Variants in CD22 observed in about 807,000 individuals in gnomAD.
CD22 encodes the protein B-cell receptor CD22.
In CD22, 51 loss-of-function variants were observed where a neutral mutation model predicts 94.7. The observed-to-expected ratio is 0.54, with a 90% CI of 0.43 to 0.68. CD22 has a LOEUF of 0.68. Among genes scored for constraint, CD22 ranks in the 30% least tolerant of loss-of-function variants. The pLI is 0.00. For synonymous variants in CD22, 424 were observed against 422.5 expected (o/e 1.00, Z -0.04); for missense variants, 931 against 1,060.4 (o/e 0.88, Z 1.69).
chr19:35,344,447 T>G (rs1250712066), intron 9 of CD22, among the ~76,000 whole-genome samples: 1 of 152,196 alleles, frequency 6.6e-6, no homozygotes, highest in Non-Finnish European at 1.5e-5. Context: ...CAGCCTCTTG[T>G]TTTGGGCACG....
intron 1 of CD22, chr19:35,329,742 G>C (rs2066619939): frequency 6.4e-6 from 1 of 156,764 alleles, no homozygotes; most frequent in Non-Finnish European, 1.4e-5. Flanking sequence ...GTTGTGGCTG[G>C]AGGGTGCTGG....
At position 35,345,627 on chromosome 19, in the gene CD22, G is replaced by A. The variant is rs10406069; in HGVS notation, c.2234G>A (p.Gly745Asp). Residue 745 changes from glycine (G) to aspartate (D), a missense_variant, in exon 12 of 14, where the codon GGC (glycine) becomes GAC (aspartate). Physicochemically the swap from Gly to Asp is moderately conservative, Grantham distance 94 (BLOSUM62 -1). Transcript: ENST00000085219. ...KKVRRAPLSE[G>D]PHSLGCYNPM... ...GTTAGAAGGGCCCCCCTCTCTGAAG[G>A]CCCCCACTCCCTGGGATGCTACAAT... 295,208 of 1,609,258 alleles carry A rather than the reference G, an allele frequency of 0.18. 29,083 individuals carry two copies. Among genetic ancestry groups the A allele is most frequent in the East Asian group, 0.21 (9,213 of 44,798 alleles).
At chr19:35,335,155 G>C (rs376082055) in intron 3 of CD22, among the ~76,000 whole-genome samples, 1 of 151,698 alleles carries the variant, frequency 6.6e-6, no homozygotes, top group Admixed American at 6.6e-5. Flanking sequence ...GCAGACATCC[G>C]GCAATGAGCA....
intron 6 of CD22, among the ~76,000 whole-genome samples, chr19:35,339,009 A>T (rs1017978394): frequency 1.3e-5 from 2 of 151,102 alleles, no homozygotes; most frequent in Non-Finnish European, 2.9e-5. Flanking sequence ...CTGAGGCAGG[A>T]GGGTCTCTTG....
intron 13 of CD22, 134 bp downstream of exon 13, chr19:35,346,369 G>A (rs922543444): frequency 3.7e-6 from 4 of 1,075,260 alleles, no homozygotes; most frequent in East Asian, 2.5e-5. Flanking sequence ...TGTTGGAGAC[G>A]GTTGCTCCGG....
rs1012239591 is a variant in CD22, at chr19:35,336,182, G to T, written c.559G>T (p.Ala187Ser). Residue 187 changes from alanine to serine, a missense_variant, in exon 4 of 14, where the codon GCT (alanine) becomes TCT (serine). Transcript: ENST00000085219. ...LLEGVPMRQAAVTSTSLTIKS... is the reference protein window; with the variant it reads ...LLEGVPMRQASVTSTSLTIKS... ...AGAGGGGGTTCCAATGAGGCAGGCT[G>T]CTGTCACCTCGACCTCCTTGACCAT... 1 of 1,614,202 alleles carries T rather than the reference G, an allele frequency of 6.2e-7. No homozygotes were observed. Among genetic ancestry groups the T allele is most frequent in the African/African-American group, 1.3e-5 (1 of 75,060 alleles).
At chr19:35,340,843 C>T in intron 6 of CD22, 38 bp from the exon 7 acceptor site, 1 of 1,612,692 alleles carries the variant, frequency 6.2e-7, no homozygotes, top group Non-Finnish European at 8.5e-7. Flanking sequence ...CTGTGGACAG[C>T]TGGCTTTTCT....
chr19:35,341,122 C>T lies in CD22; in HGVS notation c.1491C>T (p.Val497=), dbSNP rs1315247320. 7.4e-6 allele frequency: 12 copies of T among 1,614,050 alleles called. No homozygotes were observed. The highest frequency in any genetic ancestry group is 2.2e-5 in the East Asian group (1 of 44,894). The stretch of plus-strand genomic sequence containing the variant: ...GTTGGTGCTCGTGGGCCTCCCCTGT[C>T]GCCCTGAATGTCCAGTGTGAGTCCC... ...CNSWCSWASP[V]ALNVQYAPRD... Residue 497 remains valine (V), a synonymous_variant, in exon 7 of 14, where the codon GTC becomes GTT. Transcript: ENST00000085219. The surrounding 1 kb of genome is among the most constrained non-coding windows in gnomAD (Gnocchi z 4.0).
At position 35,336,120 on chromosome 19, in the gene CD22, C is replaced by T. The variant is rs766665389; in HGVS notation, c.497C>T (p.Ser166Phe). The T allele has an allele frequency of 1.2e-6, 2 of 1,614,096 alleles. No homozygotes were observed. Among genetic ancestry groups the T allele is most frequent in the Non-Finnish European group, 1.7e-6 (2 of 1,179,978 alleles). The change falls in exon 4 of 14, where the codon TCC (serine) becomes TTC (phenylalanine). Residue 166 changes from serine to phenylalanine, a missense_variant. Coordinates refer to ENST00000085219, the MANE Select transcript of CD22 (RefSeq NM_001771.4). Reference sequence around the variant, plus strand: ...ACTCTGACCTGCTTGCTGAATTTCTCCTGCTATGGGTATCCGATCCAATTG... The same window carrying T: ...ACTCTGACCTGCTTGCTGAATTTCTTCTGCTATGGGTATCCGATCCAATTG... ...EVTLTCLLNF[S>F]CYGYPIQLQW...
chr19:35,331,474 GAAGA>G (rs1555767629), intron 1 of CD22, among the ~76,000 whole-genome samples: 5 of 152,178 alleles, frequency 3.3e-5, no homozygotes, highest in Non-Finnish European at 7.3e-5. Context: ...AGGAAGGAAG[GAAGA>G]AAGGAAGGAG....
chr19:35,341,142 A>C lies in CD22; in HGVS notation c.1507+4A>C. ...CCTGTCGCCCTGAATGTCCAGTGTG[A>C]GTCCCTGGGCTAGGCAGGGGGATCT... On this transcript the variant is annotated splice_donor_region_variant and intron_variant, in intron 7 of 13. Transcript: ENST00000085219. This position sits in a 1 kb window ranked among gnomAD's most constrained non-coding sequence, Gnocchi z 4.0. 2 of 1,613,954 alleles carry C rather than the reference A, an allele frequency of 1.2e-6. No homozygotes were observed. The highest frequency in any genetic ancestry group is 8.5e-7 in the Non-Finnish European group (1 of 1,179,910).
rs73927990 is a variant in CD22, at chr19:35,333,420, C to T, written c.412+496C>T. Among the ~76,000 whole-genome samples, 1,037 of 152,298 alleles carry T rather than the reference C, an allele frequency of 6.8e-3. 12 individuals carry two copies. The highest frequency in any genetic ancestry group is 0.023 in the African/African-American group (971 of 41,556). Reference sequence around the variant, plus strand: ...GGGTGTGGAACGGAGTAACCACACTCCCTAGGGCAGAGGCCCCAGACCTGT... The same window carrying T: ...GGGTGTGGAACGGAGTAACCACACTTCCTAGGGCAGAGGCCCCAGACCTGT... On this transcript the variant is annotated intron_variant, in intron 3 of 13. Coordinates refer to ENST00000085219, the MANE Select transcript of CD22 (RefSeq NM_001771.4).
In CD22 at chr19:35,341,367, G is replaced by T; in HGVS notation, c.1532G>T (p.Arg511Leu). Residue 511 changes from arginine (R) to leucine (L), a missense_variant, in exon 8 of 14, where the codon CGG becomes CTG. Physicochemically the swap from Arg to Leu is moderately radical, Grantham distance 102 (BLOSUM62 -2). Coordinates refer to ENST00000085219, the MANE Select transcript of CD22 (RefSeq NM_001771.4). The surrounding 1 kb of genome is among the most constrained non-coding windows in gnomAD (Gnocchi z 4.0). The stretch of plus-strand genomic sequence containing the variant: ...GATGCCCCCCGAGACGTGAGGGTCC[G>T]GAAAATCAAGCCCCTTTCCGAGATT... ...VQYAPRDVRV[R>L]KIKPLSEIHS... The T allele has an allele frequency of 1.2e-6, 2 of 1,613,666 alleles. No homozygotes were observed. Among genetic ancestry groups the T allele is most frequent in the Non-Finnish European group, 1.7e-6 (2 of 1,179,892 alleles).
At chr19:35,336,669 C>A in intron 4 of CD22, 1 of 313,142 alleles carries the variant, frequency 3.2e-6, no homozygotes, top group East Asian at 7.4e-5. Flanking sequence ...CTACTAGGTA[C>A]CAGGCCTTAT....
intron 1 of CD22, chr19:35,330,594 G>A (rs1321960232): frequency 2.6e-5 from 4 of 152,224 alleles, no homozygotes; most frequent in African/African-American, 9.7e-5. Context: ...CCTTTGGCAT[G>A]AGCCATGTGG....
intron 6 of CD22, among the ~76,000 whole-genome samples, chr19:35,340,304 A>G (rs1383406508): frequency 1.3e-5 from 2 of 151,894 alleles, no homozygotes; most frequent in South Asian, 2.1e-4. Context: ...TGTTTTTAAG[A>G]TGGAGTCTCC....
At chr19:35,343,184 G>A (rs867741719) in intron 9 of CD22, among the ~76,000 whole-genome samples, 35 of 150,290 alleles carry the variant, frequency 2.3e-4, no homozygotes, top group Middle Eastern at 6.8e-3. Context: ...CTGCAGCCTC[G>A]ACCCCCTAGG....
Position 35,332,857 on chromosome 19 carries a change from T to G in CD22, c.345T>G (p.Gly115=). Residue 115 remains glycine (G), a synonymous_variant, in exon 3 of 14, where the codon GGT becomes GGG. Transcript: ENST00000085219. ...ACCCGGTGCACCTCAATGACAGTGG[T>G]CAGCTGGGGCTGAGGATGGAGTCCA... ...SIHPVHLNDS[G]QLGLRMESKT... is the part of the protein sequence containing the mutation. The G allele has an allele frequency of 6.2e-7, 1 of 1,614,114 alleles. No homozygotes were observed. The highest frequency in any genetic ancestry group is 1.1e-5 in the South Asian group (1 of 91,076).
At chr19:35,345,550 G>T (rs2066893159) in intron 11 of CD22, 52 bp from the exon 12 acceptor site, 2 of 1,153,930 alleles carry the variant, frequency 1.7e-6, no homozygotes, top group African/African-American at 3.0e-5. Context: ...CAGGGAAGGG[G>T]ACGAGGGTTG....
Sources: allele counts gnomAD v4.1 joint callset (sites outside exome capture counted in the v4.1 genomes callset), GRCh38; gene constraint gnomAD v4.1.1; non-coding constraint Gnocchi (gnomAD v3.1); transcripts MANE v1.5; gene names NCBI Gene and HGNC (gene_info 2026-07-23, HGNC 2026-07-21).